The following KLHDC7B variants were observed in gnomAD, a reference collection of about 807,000 sequenced individuals.
The protein encoded by KLHDC7B is kelch domain-containing protein 7B.
A neutral mutation model predicts 0.6 loss-of-function variants in KLHDC7B; 1 was observed. The observed-to-expected ratio is 1.71, with a 90% CI of 0.61 to 8.11. The LOEUF (loss-of-function observed/expected upper bound fraction) is 8.11, where lower values mean the gene tolerates loss of function less well. Among genes scored for constraint, KLHDC7B ranks in the 30% most tolerant of loss-of-function variants. The pLI is 0.13. For synonymous variants in KLHDC7B, 462 were observed against 405.2 expected (o/e 1.14, Z -1.68); for missense variants, 993 against 894.9 (o/e 1.11, Z -1.40).
Position 50,550,092 on chromosome 22 carries a change from T to A in KLHDC7B, c.*141T>A. The stretch of plus-strand genomic sequence containing the variant: ...TCTGGACAACTTTCCCCTTCTGCTT[T>A]AAAGGTTGTCGATTATTTTGAAGCC... On this transcript the variant is annotated 3_prime_UTR_variant, in exon 1 of 1. Transcript: ENST00000648057. 1 of 901,606 alleles carries A rather than the reference T, an allele frequency of 1.1e-6. No individual in the cohort carries two copies. Among genetic ancestry groups the A allele is most frequent in the Non-Finnish European group, 1.6e-6 (1 of 614,596 alleles). The allele number at this position is 901,606 out of a possible 1,614,324, so 55.9% of individuals were successfully genotyped here. A position where few individuals can be genotyped will look rare whatever the true frequency, so the allele number is the denominator to read the frequency against.
At position 50,548,746 on chromosome 22, in the gene KLHDC7B, G is replaced by GT. The variant is rs2069764808; in HGVS notation, c.581dup (p.Val195GlyfsTer393). ...TCTGCAGAGGCCCGGGGGTTGGGGG[G>GT]TGGTGGAGGGGCCCCGGAAGCCCAG... On this transcript the variant is annotated frameshift_variant, in exon 1 of 1. Transcript: ENST00000395676. LOFTEE classifies it low-confidence loss of function (END_TRUNC). This position sits in a 1 kb window ranked among gnomAD's most constrained non-coding sequence, Gnocchi z 5.3. 2.1e-6 allele frequency: 3 copies of GT among 1,458,190 alleles called. No individual in the cohort carries two copies. The African/African-American group carries it at 4.5e-5, about 22-fold the overall frequency. The allele number at this position is 1,458,190 out of a possible 1,614,324, so 90.3% of individuals were successfully genotyped here. A position where few individuals can be genotyped will look rare whatever the true frequency, so the allele number is the denominator to read the frequency against.
At position 50,549,498 on chromosome 22, in the gene KLHDC7B, G is replaced by C; in HGVS notation, c.3255G>C (p.Glu1085Asp). The C allele has an allele frequency of 6.2e-7, 1 of 1,612,296 alleles. No homozygotes were observed. Among genetic ancestry groups the C allele is most frequent in the Non-Finnish European group, 8.5e-7 (1 of 1,179,704 alleles). ...LPAGTFPVAH[E>D]AVACRGDIYV... is the part of the protein sequence containing the mutation. Reference sequence around the variant, plus strand: ...CAGGCACCTTCCCTGTGGCCCACGAGGCTGTGGCCTGCCGTGGGGACATCT... The same window carrying C: ...CAGGCACCTTCCCTGTGGCCCACGACGCTGTGGCCTGCCGTGGGGACATCT... The change falls in exon 1 of 1, where the codon GAG (glutamate) becomes GAC (aspartate). Residue 1085 changes from glutamate (E) to aspartate (D), a missense_variant. Transcript: ENST00000648057.
chr22:50,549,310 A>G lies in KLHDC7B; in HGVS notation c.3067A>G (p.Thr1023Ala). The G allele has an allele frequency of 6.2e-7, 1 of 1,612,704 alleles. No individual in the cohort carries two copies. The highest frequency in any genetic ancestry group is 8.5e-7 in the Non-Finnish European group (1 of 1,179,988). ...SNEVFCYNPL[T>A]NIWSQVRPMQ... is the part of the protein sequence containing the mutation. ...CGAGGTCTTCTGCTACAACCCTCTG[A>G]CCAACATCTGGAGCCAGGTTCGGCC... Residue 1023 changes from threonine (T) to alanine (A), a missense_variant, in exon 1 of 1, where the codon ACC becomes GCC. By Grantham distance (58) the Thr-to-Ala change is moderately conservative (BLOSUM62 0). Coordinates refer to ENST00000648057, the MANE Select transcript of KLHDC7B (RefSeq NM_138433.5).
chr22:50,546,452 G>A lies in KLHDC7B; in HGVS notation c.209G>A (p.Gly70Glu), dbSNP rs1032769743. 17 of 399,364 alleles carry A rather than the reference G, an allele frequency of 4.3e-5. No individual in the cohort carries two copies. Among genetic ancestry groups the A allele is most frequent in the African/African-American group, 3.3e-4 (16 of 48,650 alleles). 24.7% of individuals were successfully genotyped at this position (399,364 alleles called of 1,614,324 possible). Residue 70 changes from glycine to glutamate, a missense_variant, in exon 1 of 1, where the codon GGA becomes GAA. Gly to Glu is a moderately conservative substitution (Grantham distance 98). Coordinates refer to ENST00000648057, the MANE Select transcript of KLHDC7B (RefSeq NM_138433.5). Reference sequence around the variant, plus strand: ...CTCGGGGCTCAACCTCATCAGGCAGGAGGAGCTGAGCTGGCCCTGCAACCG... The same window carrying A: ...CTCGGGGCTCAACCTCATCAGGCAGAAGGAGCTGAGCTGGCCCTGCAACCG... ...TALGAQPHQA[G>E]GAELALQPKS...
Position 50,547,463 on chromosome 22 carries a change from G to T in KLHDC7B, c.1220G>T (p.Arg407Leu). 1 of 381,202 alleles carries T rather than the reference G, an allele frequency of 2.6e-6. No homozygotes were observed. The highest frequency in any genetic ancestry group is 6.7e-4 in the Middle Eastern group (1 of 1,498). 23.6% of individuals were successfully genotyped at this position (381,202 alleles called of 1,614,324 possible). A position where few individuals can be genotyped will look rare whatever the true frequency, so the allele number is the denominator to read the frequency against. ...QAKPAAAGHSRAPSRSREPRP... is the reference protein window; with the variant it reads ...QAKPAAAGHSLAPSRSREPRP... ...AAGCCGGCTGCAGCCGGCCACAGCCGCGCGCCCTCCCGGAGCCGTGAGCCT... is the reference window on the plus strand; with the variant it reads ...AAGCCGGCTGCAGCCGGCCACAGCCTCGCGCCCTCCCGGAGCCGTGAGCCT... Residue 407 changes from arginine to leucine, a missense_variant, in exon 1 of 1, where the codon CGC becomes CTC. Coordinates refer to ENST00000648057, the MANE Select transcript of KLHDC7B (RefSeq NM_138433.5).
Position 50,548,821 on chromosome 22 carries a change from G to A in KLHDC7B, c.2578G>A (p.Asp860Asn). ...GGCGGCAGCCCTGCGGCGGCGGCTG[G>A]ACCTGGGCAGTTGCCTGGACGTGCT... ...ATAAALRRRL[D>N]LGSCLDVLAF... Residue 860 changes from aspartate to asparagine, a missense_variant, in exon 1 of 1, where the codon GAC becomes AAC. Transcript: ENST00000648057. The surrounding 1 kb of genome is among the most constrained non-coding windows in gnomAD (Gnocchi z 5.3). The A allele has an allele frequency of 6.6e-7, 1 of 1,519,106 alleles. No individual in the cohort carries two copies. Among genetic ancestry groups the A allele is most frequent in the Non-Finnish European group, 8.8e-7 (1 of 1,136,544 alleles). The allele number at this position is 1,519,106 out of a possible 1,614,324, so 94.1% of individuals were successfully genotyped here.
Position 50,547,739 on chromosome 22 carries a change from C to T in KLHDC7B, c.1496C>T (p.Thr499Ile). ...SSAPTSATTS[T>I]SSPTSAPAPA... ...GCACCAACCTCAGCCACCACCTCAA[C>T]CTCATCCCCCACCTCAGCCCCAGCC... The change falls in exon 1 of 1, where the codon ACC (threonine) becomes ATC (isoleucine). Residue 499 changes from threonine (T) to isoleucine (I), a missense_variant. By Grantham distance (89) the Thr-to-Ile change is moderately conservative (BLOSUM62 -1). Coordinates refer to ENST00000648057, the MANE Select transcript of KLHDC7B (RefSeq NM_138433.5). 1 of 492,602 alleles carries T rather than the reference C, an allele frequency of 2.0e-6. No individual in the cohort carries two copies. The highest frequency in any genetic ancestry group is 3.6e-6 in the Non-Finnish European group (1 of 279,594). The allele number at this position is 492,602 out of a possible 1,614,324, so 30.5% of individuals were successfully genotyped here.
At position 50,548,699 on chromosome 22, in the gene KLHDC7B, A is replaced by C; in HGVS notation, c.2456A>C (p.Glu819Ala). ...RSGALTEKQEEARKLMVFLQR... is the reference protein window; with the variant it reads ...RSGALTEKQEAARKLMVFLQR... ...GGGGCGCTCACGGAAAAGCAGGAGG[A>C]GGCCCGGAAGCTCATGGTGTTTCTG... is the stretch of plus-strand genomic sequence containing the variant. The change falls in exon 1 of 1, where the codon GAG (glutamate) becomes GCG (alanine). Residue 819 changes from glutamate to alanine, a missense_variant. Glu to Ala is a moderately radical substitution (Grantham distance 107). Transcript: ENST00000648057. The surrounding 1 kb of genome is among the most constrained non-coding windows in gnomAD (Gnocchi z 5.3). 6.6e-7 allele frequency: 1 copy of C among 1,515,712 alleles called. No individual in the cohort carries two copies. The highest frequency in any genetic ancestry group is 8.8e-7 in the Non-Finnish European group (1 of 1,132,424). The allele number at this position is 1,515,712 out of a possible 1,614,324, so 93.9% of individuals were successfully genotyped here. A position where few individuals can be genotyped will look rare whatever the true frequency, so the allele number is the denominator to read the frequency against.
At position 50,548,487 on chromosome 22, in the gene KLHDC7B, C is replaced by T. The variant is rs754342653; in HGVS notation, c.2244C>T (p.Pro748=). ...CGATGCCCAGGGGCCCCGCACAGCCCCCCGCGCAGAGGCCGCCTGGCCCCG... is the reference window on the plus strand; with the variant it reads ...CGATGCCCAGGGGCCCCGCACAGCCTCCCGCGCAGAGGCCGCCTGGCCCCG... The part of the protein sequence containing the change: ...QAAMPRGPAQ[P]PAQRPPGPAA... The change falls in exon 1 of 1, where the codon CCC becomes CCT. Residue 748 remains proline, a synonymous_variant. Transcript: ENST00000648057. This position sits in a 1 kb window ranked among gnomAD's most constrained non-coding sequence, Gnocchi z 5.3. 3 of 1,570,010 alleles carry T rather than the reference C, an allele frequency of 1.9e-6. No homozygotes were observed. The highest frequency in any genetic ancestry group is 2.3e-5 in the South Asian group (2 of 86,040).
chr22:50,550,025 G>A lies in KLHDC7B; in HGVS notation c.*74G>A, dbSNP rs1188514395. On this transcript the variant is annotated 3_prime_UTR_variant, in exon 1 of 1. Transcript: ENST00000648057. ...TCCTGGGATGGGCCTGAGAGGCCGGGGCTCAGGGAAGGGGCTGGGATCGGA... is the reference window on the plus strand; with the variant it reads ...TCCTGGGATGGGCCTGAGAGGCCGGAGCTCAGGGAAGGGGCTGGGATCGGA... 3.6e-6 allele frequency: 5 copies of A among 1,396,580 alleles called. No homozygotes were observed. Among genetic ancestry groups the A allele is most frequent in the Non-Finnish European group, 4.7e-6 (5 of 1,053,096 alleles). The allele number at this position is 1,396,580 out of a possible 1,614,324, so 86.5% of individuals were successfully genotyped here.
Position 50,547,480 on chromosome 22 carries a change from C to T in KLHDC7B, c.1237C>T (p.Arg413Cys), listed in dbSNP as rs1248993409. The change falls in exon 1 of 1, where the codon CGT (arginine) becomes TGT (cysteine). Residue 413 changes from arginine to cysteine, a missense_variant. Physicochemically the swap from Arg to Cys is radical, Grantham distance 180. Transcript: ENST00000648057. ...AGHSRAPSRS[R>C]EPRPRSASPP... is the part of the protein sequence containing the mutation. ...CCACAGCCGCGCGCCCTCCCGGAGC[C>T]GTGAGCCTCGCCCGCGCTCCGCCTC... The T allele has an allele frequency of 7.7e-6, 3 of 390,290 alleles. No homozygotes were observed. In the East Asian group the frequency reaches 1.1e-4, roughly 14 times the overall value. The allele number at this position is 390,290 out of a possible 1,614,324, so 24.2% of individuals were successfully genotyped here.
At chr22:50,547,658 T>G (rs1033413235), upstream of KLHDC7B, 2 of 409,078 alleles carry the variant, frequency 4.9e-6, no homozygotes, top group African/African-American at 4.1e-5. Flanking sequence ...GCCCAAGTCT[T>G]AACTTCAGCT....
Position 50,548,754 on chromosome 22 carries a change from G to T in KLHDC7B, c.2511G>T (p.Glu837Asp). ...LQRPGGWGVV[E>D]GPRKPSSRAL... is the part of the protein sequence containing the mutation. The stretch of plus-strand genomic sequence containing the variant: ...GGCCCGGGGGTTGGGGGGTGGTGGA[G>T]GGGCCCCGGAAGCCCAGCTCCCGGG... Residue 837 changes from glutamate (E) to aspartate (D), a missense_variant, in exon 1 of 1, where the codon GAG becomes GAT. By Grantham distance (45) the Glu-to-Asp change is conservative. Transcript: ENST00000648057. This position sits in a 1 kb window ranked among gnomAD's most constrained non-coding sequence, Gnocchi z 5.3. 1 of 1,453,210 alleles carries T rather than the reference G, an allele frequency of 6.9e-7. No individual in the cohort carries two copies. 90.0% of individuals were successfully genotyped at this position (1,453,210 alleles called of 1,614,324 possible).
chr22:50,547,593 G>A lies in KLHDC7B; in HGVS notation c.1350G>A (p.Gln450=). The change falls in exon 1 of 1, where the codon CAG becomes CAA. Residue 450 remains glutamine, a synonymous_variant. Transcript: ENST00000648057. ...PSDFLPLEVT[Q]DPSVGENLRA... ...ACTTTTTGCCCCTGGAGGTTACCCAGGATCCTTCCGTGGGCGAAAATCTCA... is the reference window on the plus strand; with the variant it reads ...ACTTTTTGCCCCTGGAGGTTACCCAAGATCCTTCCGTGGGCGAAAATCTCA... The A allele has an allele frequency of 2.5e-6, 1 of 402,274 alleles. No individual in the cohort carries two copies. The allele number at this position is 402,274 out of a possible 1,614,324, so 24.9% of individuals were successfully genotyped here.
In KLHDC7B at chr22:50,548,749, G is replaced by C; in HGVS notation, c.2506G>C (p.Val836Leu). ...FLQRPGGWGV[V>L]EGPRKPSSRA... is the part of the protein sequence containing the mutation. Reference sequence around the variant, plus strand: ...GCAGAGGCCCGGGGGTTGGGGGGTGGTGGAGGGGCCCCGGAAGCCCAGCTC... The same window carrying C: ...GCAGAGGCCCGGGGGTTGGGGGGTGCTGGAGGGGCCCCGGAAGCCCAGCTC... Residue 836 changes from valine (V) to leucine (L), a missense_variant, in exon 1 of 1, where the codon GTG (valine) becomes CTG (leucine). Coordinates refer to ENST00000648057, the MANE Select transcript of KLHDC7B (RefSeq NM_138433.5). This position sits in a 1 kb window ranked among gnomAD's most constrained non-coding sequence, Gnocchi z 5.3. 1 of 1,456,378 alleles carries C rather than the reference G, an allele frequency of 6.9e-7. No individual in the cohort carries two copies. The highest frequency in any genetic ancestry group is 9.0e-7 in the Non-Finnish European group (1 of 1,109,482). The allele number at this position is 1,456,378 out of a possible 1,614,324, so 90.2% of individuals were successfully genotyped here.
In KLHDC7B at chr22:50,550,284, G is replaced by T. The variant is rs1280315234; in HGVS notation, c.*333G>T. On this transcript the variant is annotated 3_prime_UTR_variant, in exon 1 of 1. Transcript: ENST00000648057. Reference sequence around the variant, plus strand: ...ATGCGTCTCCACAGACAAGGACTTGGCTCGCTGGAGCTCTGCTGAGCCGAG... The same window carrying T: ...ATGCGTCTCCACAGACAAGGACTTGTCTCGCTGGAGCTCTGCTGAGCCGAG... 1 of 316,396 alleles carries T rather than the reference G, an allele frequency of 3.2e-6. No homozygotes were observed. The highest frequency in any genetic ancestry group is 6.1e-6 in the Non-Finnish European group (1 of 163,406). 19.6% of individuals were successfully genotyped at this position (316,396 alleles called of 1,614,324 possible).
rs865872568 is a variant in KLHDC7B, at chr22:50,549,065, C to T, written c.2822C>T (p.Pro941Leu). 3.1e-6 allele frequency: 5 copies of T among 1,599,558 alleles called. No individual in the cohort carries two copies. Among genetic ancestry groups the T allele is most frequent in the Non-Finnish European group, 4.2e-6 (5 of 1,179,070 alleles). The change falls in exon 1 of 1, where the codon CCC becomes CTC. Residue 941 changes from proline to leucine, a missense_variant. Transcript: ENST00000648057. The part of the protein sequence containing the change: ...SLYQGGRSGL[P>L]RGPRGEEPPA... ...TACCAGGGGGGCCGCTCAGGGCTCC[C>T]CAGGGGCCCTCGTGGCGAGGAGCCT...
chr22:50,545,966 A>T lies in KLHDC7B; in HGVS notation c.-278A>T, dbSNP rs2069724673. Reference sequence around the variant, plus strand: ...CTGCCTGAGGACCCTGGGGCCTACGAGGAGGAGAAGAGGGCAGGAGCTGGT... The same window carrying T: ...CTGCCTGAGGACCCTGGGGCCTACGTGGAGGAGAAGAGGGCAGGAGCTGGT... On this transcript the variant is annotated 5_prime_UTR_variant, in exon 1 of 1. Transcript: ENST00000648057. Among the ~76,000 whole-genome samples the T allele has an allele frequency of 7.2e-6, 1 of 139,332 alleles. No homozygotes were observed. The highest frequency in any genetic ancestry group is 1.6e-5 in the Non-Finnish European group (1 of 62,464). 91.4% of individuals were successfully genotyped at this position (139,332 alleles called of 152,430 possible).
chr22:50,550,189 T>A lies in KLHDC7B; in HGVS notation c.*238T>A. ...TTTCCTGACTCAATTCCGTACCTAC[T>A]TACAGACCCTCTCAGCTTGCTGACA... On this transcript the variant is annotated 3_prime_UTR_variant, in exon 1 of 1. Coordinates refer to ENST00000648057, the MANE Select transcript of KLHDC7B (RefSeq NM_138433.5). 1 of 477,704 alleles carries A rather than the reference T, an allele frequency of 2.1e-6. No individual in the cohort carries two copies. Among genetic ancestry groups the A allele is most frequent in the Non-Finnish European group, 3.8e-6 (1 of 263,384 alleles). The allele number at this position is 477,704 out of a possible 1,614,324, so 29.6% of individuals were successfully genotyped here.
Sources: allele counts gnomAD v4.1 joint callset (sites outside exome capture counted in the v4.1 genomes callset), GRCh38; gene constraint gnomAD v4.1.1; non-coding constraint Gnocchi (gnomAD v3.1); transcripts MANE v1.5; gene names NCBI Gene and HGNC (gene_info 2026-07-23, HGNC 2026-07-21).